The following SYK variants were observed in gnomAD, a reference collection of about 807,000 sequenced individuals.
The protein encoded by SYK is tyrosine-protein kinase SYK.
Under a neutral mutation model 77.8 loss-of-function variants are expected in SYK, and 16 were observed. The observed-to-expected ratio is 0.21, with a 90% confidence interval of 0.14 to 0.31. SYK has a LOEUF of 0.31. Among genes scored for constraint, SYK ranks in the 10% least tolerant of loss-of-function variants. The pLI is 1.00. For synonymous variants in SYK, 312 were observed against 308.7 expected (o/e 1.01, Z -0.11); for missense variants, 529 against 814.4 (o/e 0.65, Z 4.26).
chr9:90,811,207 C>T (rs2162977), intron 1 of SYK, among the ~76,000 whole-genome samples: 42,524 of 151,836 alleles, frequency 0.28, 6,321 homozygotes, highest in African/African-American at 0.38. Context: ...AAAAAATATA[C>T]AAATAAGTGA....
rs143489785 is a variant in SYK at position 90,802,441 on chromosome 9, A to G, written c.-42+548A>G. Among the ~76,000 whole-genome samples, 55 of 152,356 alleles carry G rather than the reference A, an allele frequency of 3.6e-4. 1 individual carries two copies. The East Asian group carries it at 0.01, about 29-fold the overall frequency. ...CAAACAACAACCCTTCTGAACCACT[A>G]CTAAAATTTAGCATAATTACTCTTG... On this transcript the variant is annotated intron_variant, in intron 1 of 13. Coordinates refer to ENST00000375754, the MANE Select transcript of SYK (RefSeq NM_003177.7).
chr9:90,851,746 A>T (rs1045540899), intron 3 of SYK, among the ~76,000 whole-genome samples: 4 of 152,202 alleles, frequency 2.6e-5, no homozygotes, highest in Admixed American at 1.3e-4. Flanking sequence ...GTGAAAAATG[A>T]ATTTGTTAGG....
In SYK at chr9:90,895,589, G is replaced by T; in HGVS notation, c.1897G>T (p.Val633Leu). ...ELRLRNYYYD[V>L]VN ...GCGGCTGCGCAATTACTACTATGAC[G>T]TGGTGAACTAACCGCTCCCGCACCT... Residue 633 changes from valine to leucine, a missense_variant, in exon 14 of 14, where the codon GTG (valine) becomes TTG (leucine). Physicochemically the swap from Val to Leu is conservative, Grantham distance 32 (BLOSUM62 1). Coordinates refer to ENST00000375754, the MANE Select transcript of SYK (RefSeq NM_003177.7). This position sits in a 1 kb window ranked among gnomAD's most constrained non-coding sequence, Gnocchi z 4.4. 2 of 1,614,104 alleles carry T rather than the reference G, an allele frequency of 1.2e-6. No homozygotes were observed. Among genetic ancestry groups the T allele is most frequent in the Non-Finnish European group, 1.7e-6 (2 of 1,180,008 alleles).
In SYK at chr9:90,833,141, T is replaced by C. The variant is rs550786297; in HGVS notation, c.-41-10717T>C. 3.7e-4 allele frequency among the ~76,000 whole-genome samples: 57 copies of C among 152,288 alleles called. 1 individual carries two copies. In the South Asian group the frequency reaches 0.011, roughly 29 times the overall value. On this transcript the variant is annotated intron_variant, in intron 1 of 13. Transcript: ENST00000375754. ...TGTTAAGGGCTTTCATGAGCTAGCT[T>C]CAGAGACCCAACATTGTCACTCTGC...
At chr9:90,882,738 T>C (rs1828206368) in intron 11 of SYK, among the ~76,000 whole-genome samples, 1 of 152,054 alleles carries the variant, frequency 6.6e-6, no homozygotes, top group Non-Finnish European at 1.5e-5. Context: ...ACACTTCCAA[T>C]AGATGGTCTA....
chr9:90,872,440 C>T (rs1827766064), intron 7 of SYK, among the ~76,000 whole-genome samples: 1 of 152,088 alleles, frequency 6.6e-6, no homozygotes, highest in Non-Finnish European at 1.5e-5. Context: ...TTGAAAGAGA[C>T]TTTAAAAAAA....
chr9:90,830,974 T>A (rs1167576064), intron 1 of SYK, among the ~76,000 whole-genome samples: 2 of 152,154 alleles, frequency 1.3e-5, no homozygotes, highest in South Asian at 2.1e-4. Context: ...CAGAGGAAAT[T>A]CCTAGGCACA....
At chr9:90,883,918 G>A (rs1328271393) in intron 11 of SYK, among the ~76,000 whole-genome samples, 1 of 152,102 alleles carries the variant, frequency 6.6e-6, no homozygotes, top group East Asian at 1.9e-4. Flanking sequence ...TAGGGCCCAA[G>A]GACAGGCATA....
chr9:90,840,056 G>A (rs1286064201), intron 1 of SYK, among the ~76,000 whole-genome samples: 12 of 152,166 alleles, frequency 7.9e-5, no homozygotes, highest in Non-Finnish European at 4.4e-5. Flanking sequence ...GCAGTGGAAA[G>A]GACAGGGTTA....
At chr9:90,865,254 G>A (rs1827438904) in intron 6 of SYK, among the ~76,000 whole-genome samples, 157 bp downstream of exon 6, 1 of 152,124 alleles carries the variant, frequency 6.6e-6, no homozygotes, top group Non-Finnish European at 1.5e-5. Flanking sequence ...GTGTTAGGCA[G>A]AATCAGCCTC....
At chr9:90,839,183 C>T (rs895478524) in intron 1 of SYK, among the ~76,000 whole-genome samples, 6 of 152,094 alleles carry the variant, frequency 3.9e-5, no homozygotes, top group Admixed American at 1.3e-4. Flanking sequence ...GGGTGCCAGT[C>T]CTGAGAAGGT....
At chr9:90,823,191 G>A (rs770141607) in intron 1 of SYK, among the ~76,000 whole-genome samples, 19 of 152,126 alleles carry the variant, frequency 1.2e-4, no homozygotes, top group Non-Finnish European at 2.1e-4. Context: ...TAAAGGGGTC[G>A]AATATCCAAG....
At chr9:90,822,375 G>C (rs567244268) in intron 1 of SYK, among the ~76,000 whole-genome samples, 19 of 152,156 alleles carry the variant, frequency 1.2e-4, no homozygotes, top group Non-Finnish European at 2.4e-4. Flanking sequence ...AAAAAGTCCA[G>C]AAGTAGACAG....
chr9:90,883,491 C>T (rs781745471), intron 11 of SYK, among the ~76,000 whole-genome samples: 41 of 152,248 alleles, frequency 2.7e-4, no homozygotes, highest in Non-Finnish European at 4.7e-4. Context: ...AAGAAGACTG[C>T]ATATCCCACA....
At chr9:90,858,271 C>A (rs1397442575) in intron 3 of SYK, among the ~76,000 whole-genome samples, 1 of 152,182 alleles carries the variant, frequency 6.6e-6, no homozygotes, top group East Asian at 1.9e-4. Context: ...GGCTGCCTAC[C>A]CTGGGAAAGT....
At chr9:90,852,417 G>A (rs953775567) in intron 3 of SYK, among the ~76,000 whole-genome samples, 2 of 152,118 alleles carry the variant, frequency 1.3e-5, no homozygotes, top group Non-Finnish European at 1.5e-5. Flanking sequence ...CACACACATC[G>A]CTCTGCTAAA....
intron 3 of SYK, among the ~76,000 whole-genome samples, chr9:90,854,573 A>G (rs1227987575): frequency 1.3e-5 from 2 of 152,106 alleles, no homozygotes; most frequent in Admixed American, 1.3e-4. Context: ...GCTCCTTTCC[A>G]TGATAGCTCT....
rs1295849764 is a variant in SYK, at chr9:90,884,591, A to G, written c.1582-3158A>G. Reference sequence around the variant, plus strand: ...CATGTACATACATACACATACACATATGTGTACATGTACATATATACACAT... The same window carrying G: ...CATGTACATACATACACATACACATGTGTGTACATGTACATATATACACAT... On this transcript the variant is annotated intron_variant, in intron 11 of 13. Transcript: ENST00000375754. Among the ~76,000 whole-genome samples the G allele has an allele frequency of 6.5e-5, 4 of 62,014 alleles. 1 individual carries two copies. The highest frequency in any genetic ancestry group is 9.7e-4 in the East Asian group (1 of 1,034). 40.7% of individuals were successfully genotyped at this position (62,014 alleles called of 152,430 possible).
chr9:90,883,514 C>T (rs1482373448), intron 11 of SYK, among the ~76,000 whole-genome samples: 34 of 152,176 alleles, frequency 2.2e-4, no homozygotes, highest in Non-Finnish European at 2.9e-5. Flanking sequence ...TACCTGCCTA[C>T]TCTGCACCTA....
Sources: gnomAD v4.1 joint callset for allele counts (sites outside exome capture counted in the v4.1 genomes callset) on GRCh38, gnomAD v4.1.1 for gene constraint, Gnocchi (gnomAD v3.1) non-coding constraint, MANE v1.5 for transcripts, NCBI Gene and HGNC (gene_info 2026-07-23, HGNC 2026-07-21) for gene names.